The following MYO10 variants were observed in gnomAD, a reference collection of about 807,000 sequenced individuals.
MYO10 encodes the protein unconventional myosin-X.
In MYO10, 133 loss-of-function variants were observed where a neutral mutation model predicts 257.3. The ratio of observed to expected loss-of-function variants is 0.52; its 90% CI spans 0.45 to 0.60. MYO10 has a LOEUF of 0.60. Among genes scored for constraint, MYO10 ranks in the 20% least tolerant of loss-of-function variants. The pLI is 0.00. For missense variants in MYO10, 2,399 were observed against 2,635.7 expected (o/e 0.91, Z 1.97); for synonymous variants, 1,104 against 1,028.6 (o/e 1.07, Z -1.40).
chr5:16,662,405 CTTTGACCTCCTGGGTTCAAACGA>C lies in MYO10; in HGVS notation c.*4264_*4286del, dbSNP rs1250412719. The C allele has an allele frequency of 7.1e-6, 1 of 141,202 alleles. No homozygotes were observed. Among genetic ancestry groups the C allele is most frequent in the Non-Finnish European group, 1.5e-5 (1 of 66,598 alleles). The allele number at this position is 141,202 out of a possible 1,614,324, so 8.7% of individuals were successfully genotyped here. On this transcript the variant is annotated 3_prime_UTR_variant, in exon 41 of 41. Coordinates refer to ENST00000513610, the MANE Select transcript of MYO10 (RefSeq NM_012334.3). Reference sequence around the variant, plus strand: ...GTGGCACCATCATGGCTCCCTGCAGCTTTGACCTCCTGGGTTCAAACGATTTTCTCATCTCAGCCTCCCCAGTA... The same window carrying C: ...GTGGCACCATCATGGCTCCCTGCAGCTTTTCTCATCTCAGCCTCCCCAGTA...
intron 1 of MYO10, among the ~76,000 whole-genome samples, chr5:16,931,937 G>A (rs1193353842): frequency 1.3e-5 from 2 of 152,150 alleles, no homozygotes; most frequent in African/African-American, 4.8e-5. Context: ...ACAACCAAAT[G>A]GGGAGAAAAT....
At chr5:16,861,083 T>C (rs1031259139) in intron 2 of MYO10, among the ~76,000 whole-genome samples, 14 of 152,136 alleles carry the variant, frequency 9.2e-5, no homozygotes, top group African/African-American at 3.4e-4. Context: ...GATTTCATTA[T>C]TCTGAGGCAG....
chr5:16,899,876 T>C (rs936319901), intron 1 of MYO10, among the ~76,000 whole-genome samples: 3 of 151,588 alleles, frequency 2.0e-5, no homozygotes, highest in African/African-American at 7.3e-5. Context: ...TGGGTGCCTG[T>C]AATCCCAGCT....
chr5:16,930,138 A>T (rs751416563), intron 1 of MYO10, among the ~76,000 whole-genome samples: 6 of 152,232 alleles, frequency 3.9e-5, no homozygotes, highest in Non-Finnish European at 7.3e-5. Flanking sequence ...GCCTCTAGCT[A>T]ACAGCAGTAA....
chr5:16,841,760 G>A (rs10053335), intron 2 of MYO10, among the ~76,000 whole-genome samples: 5,372 of 152,086 alleles, frequency 0.035, 352 homozygotes, highest in African/African-American at 0.12. Flanking sequence ...AACTCTTCTC[G>A]CAAACTGTTT....
At chr5:16,821,443 C>CTTTTTTTTTTTTTTTTTTT (rs571931909) in intron 2 of MYO10, among the ~76,000 whole-genome samples, 3 of 70,236 alleles carry the variant, frequency 4.3e-5, no homozygotes, top group Admixed American at 2.0e-4. Context: ...CTCCTATTTT[C>CTTTTTTTTTTTTTTTTTTT]TTTTTTTTTT....
At chr5:16,763,089 CATA>C (rs1215101332) in intron 14 of MYO10, among the ~76,000 whole-genome samples, 1 of 151,840 alleles carries the variant, frequency 6.6e-6, no homozygotes, top group Non-Finnish European at 1.5e-5. Flanking sequence ...TTGGAAAATC[CATA>C]ATGATACACT....
intron 19 of MYO10, 76 bp from the exon 20 acceptor site, chr5:16,711,321 C>T (rs1426903680): frequency 3.4e-6 from 5 of 1,457,512 alleles, no homozygotes; most frequent in African/African-American, 1.4e-5. Context: ...AATAAAGCCA[C>T]CTCCATCATT....
At chr5:16,775,901 T>C (rs1741196926) in intron 9 of MYO10, among the ~76,000 whole-genome samples, 1 of 150,626 alleles carries the variant, frequency 6.6e-6, no homozygotes, top group East Asian at 2.0e-4. Context: ...CTTTTTCTAA[T>C]TTTTTTATTT....
intron 26 of MYO10, among the ~76,000 whole-genome samples, chr5:16,698,081 A>C (rs1340609583): frequency 6.6e-6 from 1 of 152,148 alleles, no homozygotes; most frequent in African/African-American, 2.4e-5. Flanking sequence ...ATAATTAAAT[A>C]ATTTTCTGGC....
chr5:16,710,787 G>A, intron 21 of MYO10, 121 bp downstream of exon 21: 3 of 799,460 alleles, frequency 3.8e-6, no homozygotes, highest in Non-Finnish European at 6.0e-6. Flanking sequence ...ATGGCAACAG[G>A]AGTATCTTCC....
intron 2 of MYO10, among the ~76,000 whole-genome samples, chr5:16,872,033 TA>T (rs1246157426): frequency 6.6e-6 from 1 of 152,090 alleles, no homozygotes; most frequent in East Asian, 1.9e-4. Context: ...CCACAACCCA[TA>T]AATACTGTTG....
At chr5:16,729,638 G>T (rs1451228502) in intron 19 of MYO10, among the ~76,000 whole-genome samples, 1 of 151,994 alleles carries the variant, frequency 6.6e-6, no homozygotes, top group Non-Finnish European at 1.5e-5. Context: ...TAGAGATGGG[G>T]TTTCACCGTG....
At chr5:16,925,329 A>T (rs1238988693) in intron 1 of MYO10, among the ~76,000 whole-genome samples, 32 of 152,238 alleles carry the variant, frequency 2.1e-4, no homozygotes, top group Admixed American at 2.1e-3. Context: ...AAACATCTGC[A>T]TGACTGAGAA....
intron 23 of MYO10, 37 bp from the exon 24 acceptor site, chr5:16,702,625 A>G (rs2126555323): frequency 6.5e-7 from 1 of 1,543,632 alleles, no homozygotes; most frequent in Non-Finnish European, 8.8e-7. Context: ...ATCAACAACA[A>G]TAACCCTGGA....
At chr5:16,799,921 C>T (rs116568601) in intron 3 of MYO10, among the ~76,000 whole-genome samples, 3,414 of 152,222 alleles carry the variant, frequency 0.022, 62 homozygotes, top group African/African-American at 0.037. Flanking sequence ...TCTGCTAAGC[C>T]GAGTCCCTGC....
At chr5:16,679,108 T>C (rs928260321) in intron 33 of MYO10, among the ~76,000 whole-genome samples, 6 of 152,222 alleles carry the variant, frequency 3.9e-5, no homozygotes, top group Admixed American at 6.5e-5. Context: ...TCGGTGTTAA[T>C]AGAGAGACTC....
At chr5:16,803,381 T>C (rs1025778671) in intron 3 of MYO10, among the ~76,000 whole-genome samples, 1 of 152,050 alleles carries the variant, frequency 6.6e-6, no homozygotes, top group Admixed American at 6.6e-5. Flanking sequence ...TGAACCAAGA[T>C]TGTGCCACCG....
At chr5:16,790,717 C>T (rs1159579552) in intron 4 of MYO10, among the ~76,000 whole-genome samples, 1 of 152,078 alleles carries the variant, frequency 6.6e-6, no homozygotes, top group Non-Finnish European at 1.5e-5. Flanking sequence ...TTGTAAATTG[C>T]CCAGTCTCGA....
Sources: gnomAD v4.1 joint callset for allele counts (sites outside exome capture counted in the v4.1 genomes callset) on GRCh38, gnomAD v4.1.1 for gene constraint, MANE v1.5 for transcripts, NCBI Gene and HGNC (gene_info 2026-07-23, HGNC 2026-07-21) for gene names.